Variants in MACROD2 observed in about 807,000 individuals in gnomAD.
MACROD2 encodes the protein mono-ADP ribosylhydrolase 2, also known as ADP-ribose glycohydrolase MACROD2.
Under a neutral mutation model 70.4 loss-of-function variants are expected in MACROD2, and 36 were observed. The observed-to-expected ratio is 0.51, with a 90% CI of 0.39 to 0.68. MACROD2 has a LOEUF of 0.68. Ranked by LOEUF, MACROD2 falls within the 30% of genes least tolerant of loss-of-function variation. The pLI, the probability that MACROD2 is intolerant of heterozygous loss-of-function variation, is 0.00. For synonymous variants in MACROD2, 172 were observed against 178.8 expected, an observed-to-expected ratio of 0.96 and a Z score of 0.30; for missense variants, 496 against 538.4, an observed-to-expected ratio of 0.92 and a Z score of 0.78.
intron 4 of MACROD2, among the ~76,000 whole-genome samples, chr20:14,532,253 C>T (rs2085315232): frequency 7.0e-6 from 1 of 142,866 alleles, no homozygotes; most frequent in African/African-American, 2.7e-5. Flanking sequence ...GAGTCTTGCT[C>T]TGTCACCCAG....
intron 5 of MACROD2, among the ~76,000 whole-genome samples, chr20:14,923,460 C>A (rs2074188439): frequency 6.6e-6 from 1 of 151,996 alleles, no homozygotes; most frequent in Admixed American, 6.6e-5. Flanking sequence ...CACTTACTTT[C>A]AAAAAATACA....
In MACROD2 at chr20:14,133,483, C is replaced by T. The variant is rs551166479; in HGVS notation, c.271+47755C>T. ...TGCTCACCTCCTGTAACTTATATTC[C>T]AGTGGGAGTGACAGATAATGCCCAA... On this transcript the variant is annotated intron_variant, in intron 3 of 17. Transcript: ENST00000684519. Among the ~76,000 whole-genome samples, 9 of 152,154 alleles carry T rather than the reference C, an allele frequency of 5.9e-5. No homozygotes were observed. The South Asian group carries it at 1.2e-3, about 21-fold the overall frequency.
chr20:15,611,235 T>A (rs934385742), intron 8 of MACROD2, among the ~76,000 whole-genome samples: 9 of 152,066 alleles, frequency 5.9e-5, no homozygotes, highest in South Asian at 2.1e-4. Context: ...TAGATAGCAA[T>A]GCTTCATTTT....
chr20:14,576,522 G>C (rs1312838368), intron 4 of MACROD2, among the ~76,000 whole-genome samples: 3 of 152,150 alleles, frequency 2.0e-5, no homozygotes, highest in Non-Finnish European at 4.4e-5. Flanking sequence ...TGGCAAAGTT[G>C]CTTTTGGGAA....
intron 5 of MACROD2, among the ~76,000 whole-genome samples, chr20:15,026,017 A>T (rs895770275): frequency 1.3e-5 from 2 of 152,212 alleles, no homozygotes; most frequent in African/African-American, 4.8e-5. Context: ...ATTAAGCCTT[A>T]CAAGAAGAGT....
rs148909577 is a variant in MACROD2, at chr20:15,669,791, A to C, written c.645+169944A>C. Reference sequence around the variant, plus strand: ...ACCAGGAAGACCTAAGAAAATTGTCAAGAGGTAGAGTTTAGAACCAGGGGC... The same window carrying C: ...ACCAGGAAGACCTAAGAAAATTGTCCAGAGGTAGAGTTTAGAACCAGGGGC... On this transcript the variant is annotated intron_variant, in intron 8 of 17. Transcript: ENST00000684519. 2.2e-3 allele frequency among the ~76,000 whole-genome samples: 335 copies of C among 152,348 alleles called. 2 individuals are homozygous for C. Among genetic ancestry groups the C allele is most frequent in the Non-Finnish European group, 3.6e-3 (242 of 68,028 alleles).
At chr20:15,847,196 A>C (rs1393839310) in intron 8 of MACROD2, among the ~76,000 whole-genome samples, 1 of 152,136 alleles carries the variant, frequency 6.6e-6, no homozygotes, top group Non-Finnish European at 1.5e-5. Flanking sequence ...TATAACGTAG[A>C]GGATTGGTTT....
At chr20:15,617,694 C>T (rs1425969653) in intron 8 of MACROD2, among the ~76,000 whole-genome samples, 1 of 152,182 alleles carries the variant, frequency 6.6e-6, no homozygotes, top group Non-Finnish European at 1.5e-5. Context: ...ACGTGCCAGG[C>T]ACTGTGATAA....
intron 6 of MACROD2, among the ~76,000 whole-genome samples, chr20:15,340,706 C>T (rs2078101901): frequency 6.6e-6 from 1 of 152,092 alleles, no homozygotes; most frequent in Non-Finnish European, 1.5e-5. Flanking sequence ...TGCCTTTCTT[C>T]CCTGATTGCA....
Position 15,339,379 on chromosome 20 carries a change from A to C in MACROD2, c.541-92026A>C, listed in dbSNP as rs76750599. On this transcript the variant is annotated intron_variant, in intron 6 of 17. Coordinates refer to ENST00000684519, the MANE Select transcript of MACROD2 (RefSeq NM_001351661.2). ...TTTTCACTCTAAGACATCAATCGAC[A>C]AAGCACCAAACAGCAAAACATATTA... Among the ~76,000 whole-genome samples, 222 of 151,960 alleles carry C rather than the reference A, an allele frequency of 1.5e-3. 6 individuals carry two copies. The highest frequency in any genetic ancestry group is 5.1e-3 in the African/African-American group (209 of 41,200).
At chr20:15,311,435 A>G (rs1337554121) in intron 6 of MACROD2, among the ~76,000 whole-genome samples, 2 of 152,234 alleles carry the variant, frequency 1.3e-5, no homozygotes, top group South Asian at 2.1e-4. Context: ...ATTACTGGAT[A>G]TATATCCGAA....
chr20:15,707,400 A>T (rs868396145), intron 8 of MACROD2, among the ~76,000 whole-genome samples: 32 of 152,314 alleles, frequency 2.1e-4, no homozygotes, highest in African/African-American at 7.7e-4. Flanking sequence ...TATACCAGGC[A>T]CTTGCTGGGC....
At chr20:14,960,559 A>G (rs1166463290) in intron 5 of MACROD2, among the ~76,000 whole-genome samples, 2 of 152,208 alleles carry the variant, frequency 1.3e-5, no homozygotes, top group African/African-American at 2.4e-5. Context: ...GCTGCAATGC[A>G]TCTACCATAT....
intron 5 of MACROD2, among the ~76,000 whole-genome samples, chr20:15,044,791 A>G (rs916813252): frequency 6.6e-6 from 1 of 152,032 alleles, no homozygotes; most frequent in Admixed American, 6.5e-5. Flanking sequence ...CTTTGTAAAT[A>G]GTCTCTATTA....
At chr20:14,475,413 A>G (rs1239326133) in intron 3 of MACROD2, among the ~76,000 whole-genome samples, 1 of 152,182 alleles carries the variant, frequency 6.6e-6, no homozygotes, top group Non-Finnish European at 1.5e-5. Flanking sequence ...ACAGTATTAG[A>G]GTAAATATTA....
At chr20:14,213,361 C>CAAAAAA (rs60009822) in intron 3 of MACROD2, among the ~76,000 whole-genome samples, 3,144 of 30,204 alleles carry the variant, frequency 0.1, 1,235 homozygotes, top group Middle Eastern at 0.25. Context: ...CTTCTAGTGG[C>CAAAAAA]AAAAAAAAAA....
Position 15,772,101 on chromosome 20 carries a change from AATATAT to A in MACROD2, c.646-90621_646-90616del, listed in dbSNP as rs201468504. 3.5e-3 allele frequency among the ~76,000 whole-genome samples: 316 copies of A among 91,332 alleles called. 4 individuals carry two copies. Among genetic ancestry groups the A allele is most frequent in the African/African-American group, 0.01 (198 of 19,668 alleles). The allele number at this position is 91,332 out of a possible 152,430, so 59.9% of individuals were successfully genotyped here. A position where few individuals can be genotyped will look rare whatever the true frequency, so the allele number is the denominator to read the frequency against. On this transcript the variant is annotated intron_variant, in intron 8 of 17. Coordinates refer to ENST00000684519, the MANE Select transcript of MACROD2 (RefSeq NM_001351661.2). ...CTCGGTCTCAAAAAAAAAAAAAAAA[AATATAT>A]ATATATATATATATATATATATTTC...
intron 5 of MACROD2, among the ~76,000 whole-genome samples, chr20:15,014,303 C>G (rs887385302): frequency 6.6e-6 from 1 of 152,054 alleles, no homozygotes; most frequent in Non-Finnish European, 1.5e-5. Flanking sequence ...TAGAGTACGG[C>G]GAGAAGTCTC....
intron 8 of MACROD2, among the ~76,000 whole-genome samples, chr20:15,595,975 A>T (rs1370268570): frequency 6.6e-6 from 1 of 152,230 alleles, no homozygotes; most frequent in Non-Finnish European, 1.5e-5. Flanking sequence ...TATGTTACTC[A>T]GTTCTGCCAA....
Sources: gnomAD v4.1 joint callset for allele counts (sites outside exome capture counted in the v4.1 genomes callset) on GRCh38, gnomAD v4.1.1 for gene constraint, MANE v1.5 for transcripts, NCBI Gene and HGNC (gene_info 2026-07-23, HGNC 2026-07-21) for gene names.